IMMP2L: variants seen among roughly 807,000 people sequenced by gnomAD.
IMMP2L encodes inner mitochondrial membrane peptidase subunit 2, also known as mitochondrial inner membrane protease subunit 2.
Under a neutral mutation model 19.3 loss-of-function variants are expected in IMMP2L, and 18 were observed. That is an observed-to-expected ratio of 0.93 (90% CI 0.64 to 1.38). The LOEUF (loss-of-function observed/expected upper bound fraction) is 1.38. Among genes scored for constraint, IMMP2L ranks in the 40% most tolerant of loss-of-function variants. The probability of loss-of-function intolerance (pLI) is 0.00; values close to 1 mark genes in which losing one functional copy is unlikely to be tolerated. For synonymous variants in IMMP2L, 76 were observed against 73.0 expected (o/e 1.04, Z -0.21); for missense variants, 233 against 218.2 (o/e 1.07, Z -0.43).
intron 3 of IMMP2L, among the ~76,000 whole-genome samples, chr7:111,312,653 A>G (rs1823643596): frequency 6.6e-6 from 1 of 152,128 alleles, no homozygotes; most frequent in African/African-American, 2.4e-5. Flanking sequence ...TTGATTTCCC[A>G]AAACTTTGAC....
At position 111,315,731 on chromosome 7, in the gene IMMP2L, T is replaced by TAAA. The variant is rs777273496; in HGVS notation, c.239+171504_239+171506dup. On this transcript the variant is annotated intron_variant, in intron 3 of 5. Transcript: ENST00000405709. ...AAGGAAACATTTCCTAGTGGCTTCT[T>TAAA]AAAAAAAAAAAAAAGGCTTCATTTT... Among the ~76,000 whole-genome samples, 2 of 136,368 alleles carry TAAA rather than the reference T, an allele frequency of 1.5e-5. 1 individual carries two copies. Among genetic ancestry groups the TAAA allele is most frequent in the Non-Finnish European group, 3.2e-5 (2 of 62,580 alleles). The allele number at this position is 136,368 out of a possible 152,430, so 89.5% of individuals were successfully genotyped here. A position where few individuals can be genotyped will look rare whatever the true frequency, so the allele number is the denominator to read the frequency against.
intron 4 of IMMP2L, among the ~76,000 whole-genome samples, chr7:110,930,669 T>C (rs1815372406): frequency 1.3e-5 from 2 of 152,212 alleles, no homozygotes; most frequent in South Asian, 2.1e-4. Context: ...TTTGCATTGC[T>C]AGTGAAGTTT....
At chr7:111,151,619 A>G (rs562959134) in intron 3 of IMMP2L, among the ~76,000 whole-genome samples, 16 of 152,334 alleles carry the variant, frequency 1.1e-4, no homozygotes, top group Non-Finnish European at 1.5e-4. Context: ...AAAAATAAAC[A>G]TAACATTTAT....
chr7:110,853,258 G>T (rs370395527), intron 5 of IMMP2L, among the ~76,000 whole-genome samples: 1 of 151,780 alleles, frequency 6.6e-6, no homozygotes, highest in African/African-American at 2.4e-5. Context: ...CTTGAAATTT[G>T]TACTTTATAC....
At chr7:111,512,321 G>T (rs1845522940) in intron 2 of IMMP2L, among the ~76,000 whole-genome samples, 1 of 152,006 alleles carries the variant, frequency 6.6e-6, no homozygotes. Context: ...GTTCAGAAAA[G>T]GCAAATCTAT....
chr7:111,263,299 T>C (rs1432824044), intron 3 of IMMP2L, among the ~76,000 whole-genome samples: 2 of 152,158 alleles, frequency 1.3e-5, no homozygotes, highest in Non-Finnish European at 2.9e-5. Flanking sequence ...ACCTGTATTC[T>C]GCATATATTC....
At chr7:110,891,864 G>C (rs970070618) in intron 4 of IMMP2L, among the ~76,000 whole-genome samples, 3 of 152,044 alleles carry the variant, frequency 2.0e-5, no homozygotes, top group African/African-American at 7.2e-5. Context: ...AGAAAGATAT[G>C]GGAAGCATTG....
chr7:111,037,697 A>G (rs770295185), intron 3 of IMMP2L, among the ~76,000 whole-genome samples: 16 of 152,172 alleles, frequency 1.1e-4, no homozygotes, highest in Non-Finnish European at 1.9e-4. Flanking sequence ...CTTATCTTAC[A>G]TACTGAGATT....
intron 3 of IMMP2L, among the ~76,000 whole-genome samples, chr7:110,977,217 A>G (rs140924062): frequency 1.3e-5 from 2 of 151,950 alleles, no homozygotes; most frequent in Admixed American, 6.6e-5. Context: ...TACAAAACAC[A>G]TCTTATTACA....
chr7:110,938,931 C>T (rs1816408356), intron 4 of IMMP2L, among the ~76,000 whole-genome samples: 1 of 152,034 alleles, frequency 6.6e-6, no homozygotes, highest in Non-Finnish European at 1.5e-5. Context: ...AAAATTTAAG[C>T]TTCTAATAGT....
intron 3 of IMMP2L, among the ~76,000 whole-genome samples, chr7:111,420,455 T>C (rs375922627): frequency 6.6e-6 from 1 of 151,818 alleles, no homozygotes; most frequent in Admixed American, 6.6e-5. Flanking sequence ...TGCACAATGT[T>C]TGCAGGTTTG....
In IMMP2L at chr7:111,410,881, C is replaced by A. The variant is rs1834347302; in HGVS notation, c.239+76357G>T. Reference sequence around the variant, plus strand: ...AGGAAGAAAATATTTTAAAAATAAACAGTCTTGGTAACATGTGAGGGCAAC... The same window carrying A: ...AGGAAGAAAATATTTTAAAAATAAAAAGTCTTGGTAACATGTGAGGGCAAC... On this transcript the variant is annotated intron_variant, in intron 3 of 5. Transcript: ENST00000405709. Among the ~76,000 whole-genome samples the A allele has an allele frequency of 2.0e-5, 3 of 151,222 alleles. No homozygotes were observed. In the South Asian group the frequency reaches 6.3e-4, roughly 32 times the overall value.
intron 3 of IMMP2L, among the ~76,000 whole-genome samples, chr7:111,142,638 A>T (rs540014295): frequency 2.1e-4 from 32 of 152,286 alleles, no homozygotes; most frequent in African/African-American, 7.2e-4. Context: ...GGTTCCAAAC[A>T]TCATTAACAG....
chr7:110,811,587 T>A (rs748747044), intron 5 of IMMP2L, among the ~76,000 whole-genome samples: 2 of 152,120 alleles, frequency 1.3e-5, no homozygotes, highest in African/African-American at 4.8e-5. Flanking sequence ...TTAGCTTCTA[T>A]AGCAATTTAA....
At chr7:110,775,110 TTATGCA>T (rs1335866945) in intron 5 of IMMP2L, among the ~76,000 whole-genome samples, 1 of 152,034 alleles carries the variant, frequency 6.6e-6, no homozygotes, top group Non-Finnish European at 1.5e-5. Flanking sequence ...GAATAAAAAT[TTATGCA>T]TATAGAAAAT....
chr7:110,917,725 A>G (rs531556466), intron 4 of IMMP2L, among the ~76,000 whole-genome samples: 146 of 152,314 alleles, frequency 9.6e-4, no homozygotes, highest in Non-Finnish European at 1.4e-3. Flanking sequence ...CTGCTGCACT[A>G]CATTTTTAAA....
At chr7:110,824,066 T>C (rs748099522) in intron 5 of IMMP2L, among the ~76,000 whole-genome samples, 1 of 152,140 alleles carries the variant, frequency 6.6e-6, no homozygotes, top group Non-Finnish European at 1.5e-5. Context: ...ATTACATACA[T>C]AATGCAATAC....
chr7:110,943,292 T>C (rs1187945470), intron 4 of IMMP2L, among the ~76,000 whole-genome samples: 4 of 151,996 alleles, frequency 2.6e-5, no homozygotes, highest in East Asian at 3.9e-4. Flanking sequence ...TTGTGGTACA[T>C]GCTCATTCGA....
In IMMP2L at chr7:111,523,385, A is replaced by G. The variant is rs185852251; in HGVS notation, c.-2-1936T>C. ...ACTTCAAAACATTATGTTGTATACA[A>G]TAAAACTCACAATGTTATCTGTTCA... On this transcript the variant is annotated intron_variant, in intron 1 of 5. Coordinates refer to ENST00000405709, the MANE Select transcript of IMMP2L (RefSeq NM_032549.4). Among the ~76,000 whole-genome samples, 86 of 152,172 alleles carry G rather than the reference A, an allele frequency of 5.7e-4. 2 individuals carry two copies. The highest frequency in any genetic ancestry group is 1.9e-3 in the African/African-American group (79 of 41,474).
Sources: gnomAD v4.1 joint callset for allele counts (sites outside exome capture counted in the v4.1 genomes callset) on GRCh38, gnomAD v4.1.1 for gene constraint, MANE v1.5 for transcripts, NCBI Gene and HGNC (gene_info 2026-07-23, HGNC 2026-07-21) for gene names.